Variants in INPP4B observed in about 807,000 individuals in gnomAD.
INPP4B encodes the protein inositol polyphosphate 4-phosphatase type II.
INPP4B carries 55 observed loss-of-function variants against 122.5 expected under a neutral mutation model. The observed-to-expected ratio is 0.45, with a 90% CI of 0.36 to 0.56. INPP4B has a LOEUF of 0.56. INPP4B is among the 20% of genes least tolerant of loss of function. INPP4B has a pLI of 0.00. For missense variants in INPP4B, 1,000 were observed against 1,097.7 expected, an observed-to-expected ratio of 0.91 and a Z score of 1.26; for synonymous variants, 403 against 388.7, an observed-to-expected ratio of 1.04 and a Z score of -0.43.
chr4:142,810,729 T>C (rs765293599), intron 1 of INPP4B, among the ~76,000 whole-genome samples: 1 of 152,340 alleles, frequency 6.6e-6, no homozygotes, highest in Non-Finnish European at 1.5e-5. Flanking sequence ...ACTGTAGGTA[T>C]GGTCACACAT....
chr4:142,504,985 C>T (rs1823821058), intron 2 of INPP4B, among the ~76,000 whole-genome samples: 1 of 152,004 alleles, frequency 6.6e-6, no homozygotes, highest in Admixed American at 6.6e-5. Flanking sequence ...AGGAAAAATA[C>T]TGTATTAAAA....
intron 2 of INPP4B, among the ~76,000 whole-genome samples, chr4:142,683,153 A>C (rs79758358): frequency 0.011 from 1,702 of 151,988 alleles, 31 homozygotes; most frequent in African/African-American, 0.031. Flanking sequence ...CAAGCAACCC[A>C]CTGTAATTAA....
In INPP4B at chr4:142,229,350, G is replaced by A. The variant is rs575145814; in HGVS notation, c.836+8514C>T. The stretch of plus-strand genomic sequence containing the variant: ...GAAGCATAGTGTGATTCTCAATAAA[G>A]TATTTAGATTCCTATATAAAATATA... On this transcript the variant is annotated intron_variant, in intron 12 of 25. Transcript: ENST00000262992. Among the ~76,000 whole-genome samples the A allele has an allele frequency of 7.2e-5, 11 of 152,138 alleles. No individual in the cohort carries two copies. The East Asian group carries it at 2.1e-3, about 29-fold the overall frequency.
intron 2 of INPP4B, among the ~76,000 whole-genome samples, chr4:142,546,710 G>C (rs1314864902): frequency 6.6e-6 from 1 of 152,138 alleles, no homozygotes; most frequent in African/African-American, 2.4e-5. Flanking sequence ...TCAAAGTAGA[G>C]TCTTCATATT....
chr4:142,427,327 T>C (rs969111644), intron 5 of INPP4B: 2 of 399,238 alleles, frequency 5.0e-6, no homozygotes, highest in African/African-American at 4.2e-5. Context: ...CAAGCATTTC[T>C]TGCCATTTGA....
intron 7 of INPP4B, among the ~76,000 whole-genome samples, chr4:142,357,535 C>T (rs1220345230): frequency 6.6e-6 from 1 of 151,968 alleles, no homozygotes; most frequent in Non-Finnish European, 1.5e-5. Flanking sequence ...GGAGGGCAGA[C>T]ACTCAAACCT....
At chr4:142,702,460 C>T (rs1421292855) in intron 2 of INPP4B, among the ~76,000 whole-genome samples, 1 of 152,108 alleles carries the variant, frequency 6.6e-6, no homozygotes, top group African/African-American at 2.4e-5. Flanking sequence ...CGCGGTGGCT[C>T]ACGCCTGTAC....
chr4:142,034,159 A>G (rs1742301566), intron 25 of INPP4B, among the ~76,000 whole-genome samples: 1 of 152,156 alleles, frequency 6.6e-6, no homozygotes, highest in African/African-American at 2.4e-5. Flanking sequence ...AAATATATCA[A>G]CTATAACCTA....
rs545483610 is a variant in INPP4B, at chr4:142,846,046, C to G, written c.-254+163G>C. ...TAAAGAGCTGGAGGGGTGATGGAGG[C>G]TGCAAGACGGAGAAACTTGATGCAA... On this transcript the variant is annotated intron_variant, in intron 1 of 25. Coordinates refer to ENST00000262992, the MANE Select transcript of INPP4B (RefSeq NM_001101669.3). This position sits in a 1 kb window ranked among gnomAD's most constrained non-coding sequence, Gnocchi z 5.1. Among the ~76,000 whole-genome samples, 1 of 152,002 alleles carries G rather than the reference C, an allele frequency of 6.6e-6. No individual in the cohort carries two copies. Among genetic ancestry groups the G allele is most frequent in the Admixed American group, 6.5e-5 (1 of 15,270 alleles).
chr4:142,585,790 T>C (rs1211672062), intron 2 of INPP4B, among the ~76,000 whole-genome samples: 1 of 151,786 alleles, frequency 6.6e-6, no homozygotes, highest in Non-Finnish European at 1.5e-5. Context: ...AGGTAGAGAG[T>C]ATAAGAGATT....
At chr4:142,608,067 G>A (rs1053788210) in intron 2 of INPP4B, among the ~76,000 whole-genome samples, 1 of 152,114 alleles carries the variant, frequency 6.6e-6, no homozygotes, top group African/African-American at 2.4e-5. Flanking sequence ...TATTTTCAGA[G>A]CACAAGCATT....
chr4:142,770,037 G>A (rs1772792852), intron 1 of INPP4B, among the ~76,000 whole-genome samples: 1 of 152,154 alleles, frequency 6.6e-6, no homozygotes, highest in East Asian at 1.9e-4. Flanking sequence ...ATAGAAAATG[G>A]GAAGTCATTG....
chr4:142,200,992 T>A (rs2149444889), intron 14 of INPP4B, among the ~76,000 whole-genome samples: 1 of 152,202 alleles, frequency 6.6e-6, no homozygotes, highest in East Asian at 1.9e-4. Context: ...TTGTATTTCC[T>A]CAATTGCATT....
chr4:142,042,546 GTATGTATGTATGTATT>G (rs1443583310), intron 25 of INPP4B, among the ~76,000 whole-genome samples: 2,972 of 32,596 alleles, frequency 0.091, 72 homozygotes, highest in Admixed American at 0.27. Flanking sequence ...ATGTATGTAT[GTATGTATGTATGTATT>G]TATTTATTTA....
At chr4:142,776,951 ATC>A (rs1774013167) in intron 1 of INPP4B, among the ~76,000 whole-genome samples, 1 of 152,148 alleles carries the variant, frequency 6.6e-6, no homozygotes, top group South Asian at 2.1e-4. Context: ...GTTGCTTTTA[ATC>A]TGATTTATTC....
At chr4:142,110,578 G>A (rs1003347128) in intron 22 of INPP4B, among the ~76,000 whole-genome samples, 1 of 152,172 alleles carries the variant, frequency 6.6e-6, no homozygotes, top group Non-Finnish European at 1.5e-5. Flanking sequence ...AGAGAACAGA[G>A]AGTAAGCAAT....
intron 18 of INPP4B, among the ~76,000 whole-genome samples, chr4:142,127,466 C>CA (rs1407891857): frequency 5.6e-4 from 80 of 143,054 alleles, no homozygotes; most frequent in African/African-American, 1.7e-3. Context: ...AATCAGATGA[C>CA]AAAAAAAACA....
intron 3 of INPP4B, among the ~76,000 whole-genome samples, chr4:142,434,880 G>A (rs573012057): frequency 9.2e-5 from 14 of 151,964 alleles, no homozygotes; most frequent in Non-Finnish European, 1.6e-4. Context: ...CTACCAGATA[G>A]CTGATAAACT....
chr4:142,682,313 A>C (rs1758737824), intron 2 of INPP4B, among the ~76,000 whole-genome samples: 1 of 151,648 alleles, frequency 6.6e-6, no homozygotes, highest in South Asian at 2.1e-4. Flanking sequence ...TTTTAGTTCT[A>C]AAACAATACC....
Sources: allele counts gnomAD v4.1 joint callset (sites outside exome capture counted in the v4.1 genomes callset), GRCh38; gene constraint gnomAD v4.1.1; non-coding constraint Gnocchi (gnomAD v3.1); transcripts MANE v1.5; gene names NCBI Gene and HGNC (gene_info 2026-07-23, HGNC 2026-07-21).